AAK1: variants seen among roughly 807,000 people sequenced by gnomAD.
AAK1 encodes AP2 associated kinase 1.
A neutral mutation model predicts 116.0 loss-of-function variants in AAK1; 37 were observed. That is an observed-to-expected ratio of 0.32 (90% confidence interval 0.25 to 0.42). The LOEUF (loss-of-function observed/expected upper bound fraction) is 0.42, where lower values mean the gene tolerates loss of function less well. Among genes scored for constraint, AAK1 ranks in the 10% least tolerant of loss-of-function variants. AAK1 has a pLI of 1.00. For missense variants in AAK1, 919 were observed against 1,170.6 expected (o/e 0.79, Z 3.14); for synonymous variants, 458 against 439.9 (o/e 1.04, Z -0.51).
intron 2 of AAK1, among the ~76,000 whole-genome samples, chr2:69,619,648 G>A (rs1254295870): frequency 6.6e-6 from 1 of 152,130 alleles, no homozygotes; most frequent in Non-Finnish European, 1.5e-5. Context: ...CGGGAGGGAG[G>A]GGTTGCAAAT....
chr2:69,482,854 A>C (rs548436119), intron 17 of AAK1, 42 bp from the exon 18 acceptor site: 2 of 1,240,366 alleles, frequency 1.6e-6, no homozygotes, highest in Non-Finnish European at 2.4e-6. Flanking sequence ...AAAATGTAGT[A>C]AGATATTAAA....
At chr2:69,529,855 C>T (rs181266744) in intron 8 of AAK1, among the ~76,000 whole-genome samples, 153 bp downstream of exon 8, 11 of 152,304 alleles carry the variant, frequency 7.2e-5, no homozygotes, top group Admixed American at 1.3e-4. Flanking sequence ...TCTAACTAGA[C>T]AGTTACATTG....
At chr2:69,622,359 C>A (rs1179472978) in intron 2 of AAK1, among the ~76,000 whole-genome samples, 1 of 152,100 alleles carries the variant, frequency 6.6e-6, no homozygotes, top group Admixed American at 6.5e-5. Flanking sequence ...GGAGCCTCCC[C>A]GACGAGCGCC....
At chr2:69,555,240 T>C (rs1226803075) in intron 3 of AAK1, among the ~76,000 whole-genome samples, 3 of 152,038 alleles carry the variant, frequency 2.0e-5, no homozygotes, top group African/African-American at 7.2e-5. Context: ...TGCAGGGGAG[T>C]GGAAGGCATT....
intron 2 of AAK1, among the ~76,000 whole-genome samples, chr2:69,622,330 G>T (rs922842856): frequency 7.4e-5 from 11 of 149,086 alleles, no homozygotes; most frequent in Admixed American, 1.3e-4. Context: ...CCCGCCCGGC[G>T]GTGGGCTCCT....
intron 3 of AAK1, among the ~76,000 whole-genome samples, chr2:69,551,983 CA>C (rs2105073926): frequency 6.6e-6 from 1 of 152,306 alleles, no homozygotes; most frequent in East Asian, 1.9e-4. Flanking sequence ...TATGAACACC[CA>C]AACCTCAGCA....
chr2:69,480,780 C>A (rs1236698492), intron 19 of AAK1, 80 bp downstream of exon 19: 2 of 1,248,196 alleles, frequency 1.6e-6, no homozygotes, highest in Non-Finnish European at 2.2e-6. Flanking sequence ...AGCCCAGGAA[C>A]GACTGAGCCA....
At chr2:69,544,344 G>A in intron 4 of AAK1, 92 bp downstream of exon 4, 2 of 919,714 alleles carry the variant, frequency 2.2e-6, no homozygotes, top group Non-Finnish European at 3.5e-6. Context: ...ATATCATAGA[G>A]TGCAGTGCAC....
intron 4 of AAK1, among the ~76,000 whole-genome samples, chr2:69,543,102 G>A (rs1240145937): frequency 6.6e-6 from 1 of 152,136 alleles, no homozygotes; most frequent in Non-Finnish European, 1.5e-5. Context: ...TGAACTTCAA[G>A]AACAGCTTAG....
chr2:69,491,983 G>A (rs903364890), intron 17 of AAK1, among the ~76,000 whole-genome samples: 1 of 152,048 alleles, frequency 6.6e-6, no homozygotes, highest in African/African-American at 2.4e-5. Context: ...ACCCTCCACT[G>A]TTTGGGGAGT....
rs74834988 is a variant in AAK1 at position 69,583,818 on chromosome 2, C to G, written c.164-26840G>C. On this transcript the variant is annotated intron_variant, in intron 2 of 21. Coordinates refer to ENST00000409085, the MANE Select transcript of AAK1 (RefSeq NM_014911.5). ...TCTATTCTAAGTTGACTTCGTTCCA[C>G]TTTTTCAAGTTTCTGGATATTTTTT... Among the ~76,000 whole-genome samples, 418 of 151,832 alleles carry G rather than the reference C, an allele frequency of 2.8e-3. 3 individuals are homozygous for G. Among genetic ancestry groups the G allele is most frequent in the Non-Finnish European group, 5.0e-3 (339 of 68,034 alleles).
At chr2:69,535,813 A>T (rs772648617) in intron 5 of AAK1, among the ~76,000 whole-genome samples, 8 of 152,162 alleles carry the variant, frequency 5.3e-5, no homozygotes, top group Non-Finnish European at 1.0e-4. Context: ...ATGGGAAAGG[A>T]CCTACTATGA....
intron 3 of AAK1, among the ~76,000 whole-genome samples, chr2:69,554,513 T>C (rs910333527): frequency 2.0e-5 from 3 of 152,230 alleles, no homozygotes; most frequent in Non-Finnish European, 4.4e-5. Flanking sequence ...AATATTCATA[T>C]AAACTACATA....
At chr2:69,612,219 A>T (rs970580510) in intron 2 of AAK1, among the ~76,000 whole-genome samples, 1 of 152,010 alleles carries the variant, frequency 6.6e-6, no homozygotes, top group African/African-American at 2.4e-5. Context: ...GAAAAAAAAT[A>T]ATGTGAATGT....
rs1674296794 is a variant in AAK1 at position 69,459,830 on chromosome 2, T to G, written c.*16039A>C. On this transcript the variant is annotated 3_prime_UTR_variant, in exon 22 of 22. Transcript: ENST00000409085. ...TACTACTTTTCAAGCATTTTGAAAC[T>G]CTTCTTTTCCTTTAGTGATGTTTTC... 6.6e-6 allele frequency: 1 copy of G among 151,994 alleles called. No individual in the cohort carries two copies. Among genetic ancestry groups the G allele is most frequent in the African/African-American group, 2.4e-5 (1 of 41,400 alleles). 9.4% of individuals were successfully genotyped at this position (151,994 alleles called of 1,614,324 possible).
intron 17 of AAK1, among the ~76,000 whole-genome samples, chr2:69,490,742 G>T (rs937743326): frequency 2.0e-5 from 3 of 152,088 alleles, no homozygotes; most frequent in African/African-American, 7.2e-5. Flanking sequence ...GGATGGTAGT[G>T]ATGGCTGCAA....
chr2:69,613,274 CCT>C (rs1674167158), intron 2 of AAK1, among the ~76,000 whole-genome samples: 1 of 152,154 alleles, frequency 6.6e-6, no homozygotes, highest in South Asian at 2.1e-4. Context: ...GGTCGTTGCC[CCT>C]GATTCCTGAC....
intron 2 of AAK1, among the ~76,000 whole-genome samples, chr2:69,601,870 A>G (rs1276093476): frequency 6.6e-6 from 1 of 152,220 alleles, no homozygotes; most frequent in East Asian, 1.9e-4. Context: ...CCTACAAAAT[A>G]CTTACTAATT....
At chr2:69,608,080 C>A (rs1673888230) in intron 2 of AAK1, among the ~76,000 whole-genome samples, 2 of 152,210 alleles carry the variant, frequency 1.3e-5, no homozygotes, top group African/African-American at 2.4e-5. Flanking sequence ...CAAGATGGAG[C>A]AGGACCAAAG....
Sources: allele counts gnomAD v4.1 joint callset (sites outside exome capture counted in the v4.1 genomes callset), GRCh38; gene constraint gnomAD v4.1.1; transcripts MANE v1.5; gene names NCBI Gene and HGNC (gene_info 2026-07-23, HGNC 2026-07-21).